CDH10: variants seen among roughly 807,000 people sequenced by gnomAD.
CDH10 encodes cadherin-10.
Under a neutral mutation model 73.1 loss-of-function variants are expected in CDH10, and 30 were observed. That is an observed-to-expected ratio of 0.41 (90% CI 0.31 to 0.56). The LOEUF (loss-of-function observed/expected upper bound fraction) is 0.56, where lower values mean the gene tolerates loss of function less well. CDH10 is among the 20% of genes least tolerant of loss of function. The probability of loss-of-function intolerance (pLI) is 0.27; values close to 1 mark genes in which losing one functional copy is unlikely to be tolerated. For synonymous variants in CDH10, 345 were observed against 348.2 expected, an observed-to-expected ratio of 0.99 and a Z score of 0.10; for missense variants, 815 against 973.7, an observed-to-expected ratio of 0.84 and a Z score of 2.17.
intron 5 of CDH10, among the ~76,000 whole-genome samples, chr5:24,514,322 A>T (rs546017410): frequency 2.1e-4 from 32 of 152,312 alleles, no homozygotes; most frequent in Admixed American, 3.9e-4. Context: ...GTCATAATTT[A>T]GATCCTCTGT....
In CDH10 at chr5:24,488,129, A is replaced by C. The variant is rs761101753; in HGVS notation, c.1901T>G (p.Leu634Arg). ...LLVIVVLFAA[L>R]KRQRKKEPLI... Reference sequence around the variant, plus strand: ...AGGCTCTTTTTTTCGCTGTCTTTTCAGAGCTGCAAACAGTACTACTATAAC... The same window carrying C: ...AGGCTCTTTTTTTCGCTGTCTTTTCCGAGCTGCAAACAGTACTACTATAAC... Residue 634 changes from leucine to arginine, a missense_variant, in exon 12 of 12, where the codon CTG (leucine) becomes CGG (arginine). By Grantham distance (102) the Leu-to-Arg change is moderately radical (BLOSUM62 -2). Coordinates refer to ENST00000264463, the MANE Select transcript of CDH10 (RefSeq NM_006727.5). 6.2e-7 allele frequency: 1 copy of C among 1,611,940 alleles called. No individual in the cohort carries two copies. The highest frequency in any genetic ancestry group is 1.1e-5 in the South Asian group (1 of 90,916).
chr5:24,610,573 A>G (rs1450455886), intron 1 of CDH10, among the ~76,000 whole-genome samples: 5 of 152,192 alleles, frequency 3.3e-5, no homozygotes, highest in Admixed American at 6.5e-5. Flanking sequence ...TGCTCTACCG[A>G]ATGGAATTAT....
rs188942727 is a variant in CDH10 at position 24,581,445 on chromosome 5, T to C, written c.231+11815A>G. ...TTCCTTATCTTGCTACATCTCTTCT[T>C]TTCTGATTGCACTTACATTTGTAAC... On this transcript the variant is annotated intron_variant, in intron 2 of 11. Transcript: ENST00000264463. 5.8e-3 allele frequency among the ~76,000 whole-genome samples: 881 copies of C among 152,318 alleles called. 8 individuals are homozygous for C. The highest frequency in any genetic ancestry group is 6.7e-3 in the Non-Finnish European group (453 of 68,030).
intron 1 of CDH10, among the ~76,000 whole-genome samples, chr5:24,608,557 C>T (rs866451935): frequency 5.9e-5 from 9 of 152,134 alleles, no homozygotes; most frequent in East Asian, 3.9e-4. Flanking sequence ...TCCCAAAGTG[C>T]CAGAATTACA....
At chr5:24,625,690 C>T (rs1267578627) in intron 1 of CDH10, among the ~76,000 whole-genome samples, 1 of 131,082 alleles carries the variant, frequency 7.6e-6, no homozygotes, top group Non-Finnish European at 1.6e-5. Flanking sequence ...GGCTATTTCC[C>T]TTCTAGGTGT....
At chr5:24,616,715 A>T (rs1339150859) in intron 1 of CDH10, among the ~76,000 whole-genome samples, 1 of 152,166 alleles carries the variant, frequency 6.6e-6, no homozygotes, top group Non-Finnish European at 1.5e-5. Context: ...TTGATTCCAG[A>T]TAAGTAGGAG....
Position 24,578,773 on chromosome 5 carries a change from A to G in CDH10, c.231+14487T>C, listed in dbSNP as rs138633368. Among the ~76,000 whole-genome samples, 474 of 152,300 alleles carry G rather than the reference A, an allele frequency of 3.1e-3. 4 individuals carry two copies. The highest frequency in any genetic ancestry group is 0.011 in the African/African-American group (448 of 41,578). ...TACCATTCATGAAAGCAATAATTCCATCTCACAGAAATTATTTAAGACAAT... is the reference window on the plus strand; with the variant it reads ...TACCATTCATGAAAGCAATAATTCCGTCTCACAGAAATTATTTAAGACAAT... On this transcript the variant is annotated intron_variant, in intron 2 of 11. Coordinates refer to ENST00000264463, the MANE Select transcript of CDH10 (RefSeq NM_006727.5).
At chr5:24,548,687 T>C (rs949366177) in intron 2 of CDH10, among the ~76,000 whole-genome samples, 3 of 152,084 alleles carry the variant, frequency 2.0e-5, no homozygotes, top group African/African-American at 7.2e-5. Context: ...CAACTTAACA[T>C]ATAAAATTAA....
chr5:24,622,780 T>C (rs562680539), intron 1 of CDH10, among the ~76,000 whole-genome samples: 1 of 152,258 alleles, frequency 6.6e-6, no homozygotes, highest in Admixed American at 6.5e-5. Context: ...AAAGTATAGG[T>C]AGTTAGGGGA....
At chr5:24,587,048 G>A (rs1746043072) in intron 2 of CDH10, among the ~76,000 whole-genome samples, 1 of 150,992 alleles carries the variant, frequency 6.6e-6, no homozygotes, top group African/African-American at 2.4e-5. Context: ...GTTTCATCGT[G>A]TTAGCCAGAA....
In CDH10 at chr5:24,504,506, C is replaced by CTGTTTTTTTTTTTTTT. The variant is rs1554016940; in HGVS notation, c.1393+605_1393+606insAAAAAAAAAAAAAACA. On this transcript the variant is annotated intron_variant, in intron 8 of 11. Transcript: ENST00000264463. Reference sequence around the variant, plus strand: ...TATTAAATGCTTTTCTCCTATTAATCTTTTTTTTTTTTTTTTTTTTTTTTT... The same window carrying CTGTTTTTTTTTTTTTT: ...TATTAAATGCTTTTCTCCTATTAATCTGTTTTTTTTTTTTTTTTTTTTTTTTTTTTTTTTTTTTTTT... Among the ~76,000 whole-genome samples, 53 of 65,164 alleles carry CTGTTTTTTTTTTTTTT rather than the reference C, an allele frequency of 8.1e-4. 22 individuals carry two copies. The highest frequency in any genetic ancestry group is 1.1e-3 in the Non-Finnish European group (37 of 33,966). The allele number at this position is 65,164 out of a possible 152,430, so 42.8% of individuals were successfully genotyped here.
chr5:24,518,827 A>ATGGT (rs1743204609), intron 5 of CDH10, among the ~76,000 whole-genome samples: 1 of 149,778 alleles, frequency 6.7e-6, no homozygotes. Context: ...TTACAGTGAG[A>ATGGT]TGGTAATTTC....
intron 2 of CDH10, chr5:24,578,390 AC>A: frequency 1.2e-5 from 3 of 253,990 alleles, no homozygotes; most frequent in South Asian, 5.2e-5. Context: ...GCTGTAGATG[AC>A]CAGAAGACAC....
chr5:24,552,897 C>T (rs1052109380), intron 2 of CDH10, among the ~76,000 whole-genome samples: 1 of 152,082 alleles, frequency 6.6e-6, no homozygotes, highest in Admixed American at 6.6e-5. Flanking sequence ...AGCCTTCTGA[C>T]AGATTCCAAA....
At chr5:24,531,324 C>A (rs1364570093) in intron 5 of CDH10, among the ~76,000 whole-genome samples, 1 of 151,978 alleles carries the variant, frequency 6.6e-6, no homozygotes, top group Non-Finnish European at 1.5e-5. Context: ...TGATTTGTCT[C>A]CCCTGCTTTA....
intron 1 of CDH10, among the ~76,000 whole-genome samples, chr5:24,604,885 A>AAC: frequency 6.7e-6 from 1 of 150,258 alleles, no homozygotes; most frequent in Admixed American, 6.6e-5. Flanking sequence ...AAAAAAAAAA[A>AAC]AAAAAAAAAA....
intron 1 of CDH10, among the ~76,000 whole-genome samples, chr5:24,639,042 C>T (rs1456121709): frequency 6.6e-6 from 1 of 151,430 alleles, no homozygotes; most frequent in South Asian, 2.1e-4. Context: ...GATAAATACA[C>T]TTTAGAGGTT....
chr5:24,542,758 T>G (rs73067148), intron 2 of CDH10, among the ~76,000 whole-genome samples: 2,624 of 152,244 alleles, frequency 0.017, 33 homozygotes, highest in African/African-American at 0.033. Flanking sequence ...AGGGCCCTCT[T>G]TCTGGTTTAT....
intron 2 of CDH10, among the ~76,000 whole-genome samples, chr5:24,553,450 C>T (rs1744623855): frequency 6.6e-6 from 1 of 152,068 alleles, no homozygotes; most frequent in Non-Finnish European, 1.5e-5. Context: ...ATTCATCCTC[C>T]TGGCTTTTCC....
Sources: gnomAD v4.1 joint callset for allele counts (sites outside exome capture counted in the v4.1 genomes callset) on GRCh38, gnomAD v4.1.1 for gene constraint, MANE v1.5 for transcripts, NCBI Gene and HGNC (gene_info 2026-07-23, HGNC 2026-07-21) for gene names.